SLC35F3: variants seen among roughly 807,000 people sequenced by gnomAD.
SLC35F3 encodes putative thiamine transporter SLC35F3.
In SLC35F3, 25 loss-of-function variants were observed where a neutral mutation model predicts 49.9. The observed-to-expected ratio is 0.50, with a 90% confidence interval of 0.37 to 0.70. SLC35F3 has a LOEUF of 0.70. SLC35F3 is among the 30% of genes least tolerant of loss of function. SLC35F3 has a pLI of 0.00. For synonymous variants in SLC35F3, 275 were observed against 265.4 expected (o/e 1.04, Z -0.35); for missense variants, 525 against 639.8 (o/e 0.82, Z 1.94).
rs1309919139 is a variant in SLC35F3 at position 234,231,389 on chromosome 1, C to T, written c.284-28C>T. On this transcript the variant is annotated intron_variant, in intron 2 of 7. Coordinates refer to ENST00000366618, the MANE Select transcript of SLC35F3 (RefSeq NM_173508.4). This position sits in a 1 kb window ranked among gnomAD's most constrained non-coding sequence, Gnocchi z 5.4. ...GTGCAGGGGTGAAGGTCTGCAGGCC[C>T]CGCTAACCACGCCCTTCTCTTCCCC... is the stretch of plus-strand genomic sequence containing the variant. 6.8e-7 allele frequency: 1 copy of T among 1,475,310 alleles called. No homozygotes were observed. The highest frequency in any genetic ancestry group is 9.0e-7 in the Non-Finnish European group (1 of 1,113,860). 91.4% of individuals were successfully genotyped at this position (1,475,310 alleles called of 1,614,324 possible). A position where few individuals can be genotyped will look rare whatever the true frequency, so the allele number is the denominator to read the frequency against.
chr1:234,025,407 A>G (rs1257806998), intron 2 of SLC35F3, among the ~76,000 whole-genome samples: 2 of 152,256 alleles, frequency 1.3e-5, no homozygotes, highest in Non-Finnish European at 2.9e-5. Context: ...TGCTTCTCAC[A>G]GTGACTGAAC....
At position 234,263,086 on chromosome 1, in the gene SLC35F3, A is replaced by C. The variant is rs182636266; in HGVS notation, c.608+31345A>C. 1.1e-3 allele frequency among the ~76,000 whole-genome samples: 162 copies of C among 152,282 alleles called. 1 individual carries two copies. The highest frequency in any genetic ancestry group is 3.7e-3 in the African/African-American group (154 of 41,560). The stretch of plus-strand genomic sequence containing the variant: ...CACATACAAGACTGCTGGTGAAAAA[A>C]AAGGAGTTGCTATGTACCTCAGATG... On this transcript the variant is annotated intron_variant, in intron 3 of 7. Coordinates refer to ENST00000366618, the MANE Select transcript of SLC35F3 (RefSeq NM_173508.4).
Position 234,136,203 on chromosome 1 carries a change from T to G in SLC35F3, c.284-95214T>G, listed in dbSNP as rs1025533294. ...TCTTCCCTCCCTTCCCTCCTTTATT[T>G]TCTTCTCTTCCCTTCCCTTCTCCTT... On this transcript the variant is annotated intron_variant, in intron 2 of 7. Coordinates refer to ENST00000366618, the MANE Select transcript of SLC35F3 (RefSeq NM_173508.4). 1.7e-4 allele frequency among the ~76,000 whole-genome samples: 26 copies of G among 151,842 alleles called. 1 individual carries two copies. Among genetic ancestry groups the G allele is most frequent in the African/African-American group, 6.3e-4 (26 of 41,366 alleles).
chr1:234,057,946 A>G (rs1181886862), intron 2 of SLC35F3, among the ~76,000 whole-genome samples: 1 of 152,044 alleles, frequency 6.6e-6, no homozygotes, highest in East Asian at 1.9e-4. Context: ...ACCTCAGGTG[A>G]TCCACCCGCC....
chr1:234,053,495 T>C (rs1464949346), intron 2 of SLC35F3, among the ~76,000 whole-genome samples: 3 of 152,204 alleles, frequency 2.0e-5, no homozygotes, highest in Non-Finnish European at 2.9e-5. Flanking sequence ...ATTTCCTTGG[T>C]TGATCTTCCT....
intron 2 of SLC35F3, among the ~76,000 whole-genome samples, chr1:233,973,029 C>T (rs1663020763): frequency 1.3e-5 from 2 of 152,314 alleles, no homozygotes; most frequent in South Asian, 4.1e-4. Context: ...CCTCATCTGA[C>T]CACACTTCTT....
chr1:234,081,435 C>T (rs1311195144), intron 2 of SLC35F3, among the ~76,000 whole-genome samples: 1 of 152,104 alleles, frequency 6.6e-6, no homozygotes, highest in Admixed American at 6.6e-5. Flanking sequence ...CTCCCTTGAT[C>T]CAAGCTGCTG....
chr1:234,308,711 C>CCTT (rs1277367902), intron 3 of SLC35F3, among the ~76,000 whole-genome samples: 1 of 150,400 alleles, frequency 6.6e-6, no homozygotes. Flanking sequence ...CCATTACCGT[C>CCTT]CTTCTCCCAC....
chr1:234,201,707 C>T (rs1352803399), intron 2 of SLC35F3, among the ~76,000 whole-genome samples: 1 of 152,148 alleles, frequency 6.6e-6, no homozygotes, highest in Non-Finnish European at 1.5e-5. Context: ...TCCCCACCCC[C>T]AGGAGTGAAA....
At chr1:234,304,030 CTTCCTTCCTTCCTTCT>C (rs879350768) in intron 3 of SLC35F3, among the ~76,000 whole-genome samples, 32,006 of 123,352 alleles carry the variant, frequency 0.26, 4,223 homozygotes, top group Middle Eastern at 0.38. Flanking sequence ...TCCTTCCTTC[CTTCCTTCCTTCCTTCT>C]TTCTTTCCTT....
rs563077601 is a variant in SLC35F3 at position 234,053,122 on chromosome 1, C to T, written c.283+147364C>T. Among the ~76,000 whole-genome samples, 52 of 152,146 alleles carry T rather than the reference C, an allele frequency of 3.4e-4. No homozygotes were observed. The South Asian group carries it at 7.3e-3, about 21-fold the overall frequency. ...AGAAGAATGTATATTTTGTTGATTTCGGGTGGAGAGTTCTGTAGACGTCTA... is the reference window on the plus strand; with the variant it reads ...AGAAGAATGTATATTTTGTTGATTTTGGGTGGAGAGTTCTGTAGACGTCTA... On this transcript the variant is annotated intron_variant, in intron 2 of 7. Coordinates refer to ENST00000366618, the MANE Select transcript of SLC35F3 (RefSeq NM_173508.4).
chr1:234,185,745 C>G (rs576989385), intron 2 of SLC35F3, among the ~76,000 whole-genome samples: 3 of 152,354 alleles, frequency 2.0e-5, no homozygotes, highest in African/African-American at 7.2e-5. Context: ...TGAAGATATT[C>G]AGTGCTGTGT....
intron 2 of SLC35F3, among the ~76,000 whole-genome samples, chr1:234,042,297 G>C (rs1421453326): frequency 6.6e-6 from 1 of 150,972 alleles, no homozygotes; most frequent in Non-Finnish European, 1.5e-5. Context: ...AAGAAACAGG[G>C]GCATGATTAA....
At chr1:234,003,188 T>C (rs1663579464) in intron 2 of SLC35F3, among the ~76,000 whole-genome samples, 1 of 148,358 alleles carries the variant, frequency 6.7e-6, no homozygotes, top group Non-Finnish European at 1.5e-5. Context: ...TTGGTAACAA[T>C]GTTTTTAAAT....
intron 2 of SLC35F3, among the ~76,000 whole-genome samples, chr1:233,945,629 A>T (rs1416730051): frequency 6.6e-6 from 1 of 152,232 alleles, no homozygotes; most frequent in African/African-American, 2.4e-5. Context: ...GAGTTATAAT[A>T]ATCCCCATGT....
chr1:234,169,322 G>T (rs560436004), intron 2 of SLC35F3, among the ~76,000 whole-genome samples: 1 of 152,164 alleles, frequency 6.6e-6, no homozygotes, highest in Non-Finnish European at 1.5e-5. Context: ...GCATCCCTTA[G>T]CCCAGTCAAG....
chr1:234,262,574 C>T (rs1667921811), intron 3 of SLC35F3, among the ~76,000 whole-genome samples: 3 of 152,156 alleles, frequency 2.0e-5, no homozygotes, highest in Admixed American at 2.0e-4. Context: ...TTATTACTCC[C>T]TTCCTGGTCC....
At chr1:234,248,706 T>C (rs1403472115) in intron 3 of SLC35F3, among the ~76,000 whole-genome samples, 1 of 152,240 alleles carries the variant, frequency 6.6e-6, no homozygotes, top group Admixed American at 6.5e-5. Flanking sequence ...CCCAGGCTTA[T>C]TTCAGATCCT....
chr1:234,161,331 C>G (rs1448174849), intron 2 of SLC35F3, among the ~76,000 whole-genome samples: 1 of 152,176 alleles, frequency 6.6e-6, no homozygotes, highest in Non-Finnish European at 1.5e-5. Flanking sequence ...GTAGTAGATT[C>G]TGGGGCGAGG....
Sources: allele counts gnomAD v4.1 joint callset (sites outside exome capture counted in the v4.1 genomes callset), GRCh38; gene constraint gnomAD v4.1.1; non-coding constraint Gnocchi (gnomAD v3.1); transcripts MANE v1.5; gene names NCBI Gene and HGNC (gene_info 2026-07-23, HGNC 2026-07-21).